The following MPRIP variants were observed in gnomAD, a reference collection of about 807,000 sequenced individuals.
MPRIP encodes myosin phosphatase Rho interacting protein.
A neutral mutation model predicts 234.9 loss-of-function variants in MPRIP; 59 were observed. The ratio of observed to expected loss-of-function variants is 0.25; its 90% CI spans 0.20 to 0.31. The LOEUF (loss-of-function observed/expected upper bound fraction) is 0.31. Among genes scored for constraint, MPRIP ranks in the 10% least tolerant of loss-of-function variants. MPRIP has a pLI of 1.00. For missense variants in MPRIP, 2,436 were observed against 3,071.0 expected, an observed-to-expected ratio of 0.79 and a Z score of 4.89; for synonymous variants, 1,144 against 1,263.9, an observed-to-expected ratio of 0.91 and a Z score of 2.01.
At position 17,165,022 on chromosome 17, in the gene MPRIP, G is replaced by A. The variant is rs1315982890; in HGVS notation, c.3431G>A (p.Ser1144Asn). ...KLRRREADNQ[S>N]LEHSYQRVSS... ...AGGAGAAGAGAGGCTGACAACCAGA[G>A]CCTGGAGCACTCCTACCAGAGGGTC... is the stretch of plus-strand genomic sequence containing the variant. The change falls in exon 16 of 24, where the codon AGC becomes AAC. Residue 1144 changes from serine to asparagine, a missense_variant. This residue lies in a region of MPRIP where 1,998 missense variants were observed against 2,520.3 expected (regional missense o/e 0.79). Transcript: ENST00000651222. The A allele has an allele frequency of 1.1e-5, 14 of 1,301,592 alleles. No individual in the cohort carries two copies. The highest frequency in any genetic ancestry group is 1.5e-5 in the African/African-American group (1 of 65,866). The allele number at this position is 1,301,592 out of a possible 1,614,324, so 80.6% of individuals were successfully genotyped here.
chr17:17,058,912 GGGGA>G (rs2088788127), intron 1 of MPRIP, among the ~76,000 whole-genome samples: 1 of 152,126 alleles, frequency 6.6e-6, no homozygotes, highest in Non-Finnish European at 1.5e-5. Context: ...CAGAAGGGGT[GGGGA>G]CGTGCTAGGG....
At chr17:17,083,832 C>G (rs2144096413) in intron 3 of MPRIP, among the ~76,000 whole-genome samples, 1 of 152,324 alleles carries the variant, frequency 6.6e-6, no homozygotes, top group East Asian at 1.9e-4. Flanking sequence ...CAACCTCCGT[C>G]TCCCGGGTTC....
intron 3 of MPRIP, among the ~76,000 whole-genome samples, chr17:17,112,589 C>T (rs1597823994): frequency 6.6e-6 from 1 of 152,248 alleles, no homozygotes; most frequent in East Asian, 1.9e-4. Flanking sequence ...CTGCAGGGCT[C>T]ACTCAGGACC....
intron 23 of MPRIP, among the ~76,000 whole-genome samples, chr17:17,181,130 C>T (rs1039600693): frequency 6.6e-6 from 1 of 152,128 alleles, no homozygotes; most frequent in Non-Finnish European, 1.5e-5. Flanking sequence ...AGGACTAGAG[C>T]TTGGTGAAGA....
At position 17,167,988 on chromosome 17, in the gene MPRIP, A is replaced by T; in HGVS notation, c.6324+73A>T. Reference sequence around the variant, plus strand: ...GGGTGGGTGTGGGGACGTCTGGCTCAGCTACCGTGCAGGCAGAATTGAGGG... The same window carrying T: ...GGGTGGGTGTGGGGACGTCTGGCTCTGCTACCGTGCAGGCAGAATTGAGGG... On this transcript the variant is annotated intron_variant, in intron 16 of 23. Transcript: ENST00000651222. The surrounding 1 kb of genome is among the most constrained non-coding windows in gnomAD (Gnocchi z 5.9). 3 of 1,162,352 alleles carry T rather than the reference A, an allele frequency of 2.6e-6. No homozygotes were observed. Among genetic ancestry groups the T allele is most frequent in the Non-Finnish European group, 3.4e-6 (3 of 888,586 alleles). 72.0% of individuals were successfully genotyped at this position (1,162,352 alleles called of 1,614,324 possible).
At chr17:17,063,473 A>G (rs1293538249) in intron 1 of MPRIP, among the ~76,000 whole-genome samples, 2 of 152,104 alleles carry the variant, frequency 1.3e-5, no homozygotes, top group Non-Finnish European at 2.9e-5. Context: ...ATTCCATGGA[A>G]TAGAAGATGT....
intron 15 of MPRIP, among the ~76,000 whole-genome samples, 179 bp from the exon 16 acceptor site, chr17:17,163,928 TAA>T (rs370017367): frequency 7.7e-6 from 1 of 129,382 alleles, no homozygotes; most frequent in Non-Finnish European, 1.6e-5. Flanking sequence ...AGCTACTTAC[TAA>T]AAAAAAAAAA....
intron 1 of MPRIP, among the ~76,000 whole-genome samples, chr17:17,052,522 C>T (rs1417113360): frequency 2.6e-5 from 4 of 152,160 alleles, no homozygotes; most frequent in Non-Finnish European, 4.4e-5. Flanking sequence ...AGCGACCTGC[C>T]TAGGTCACAG....
intron 23 of MPRIP, among the ~76,000 whole-genome samples, chr17:17,181,134 G>A (rs191579806): frequency 6.6e-6 from 1 of 152,364 alleles, no homozygotes; most frequent in Admixed American, 6.5e-5. Context: ...CTAGAGCTTG[G>A]TGAAGATGGT....
At position 17,123,703 on chromosome 17, in the gene MPRIP, CAAAAA is replaced by C. The variant is rs371753802; in HGVS notation, c.268-2982_268-2978del. Among the ~76,000 whole-genome samples the C allele has an allele frequency of 1.3e-3, 75 of 59,282 alleles. No individual in the cohort carries two copies. In the East Asian group the frequency reaches 0.027, roughly 21 times the overall value. The allele number at this position is 59,282 out of a possible 152,430, so 38.9% of individuals were successfully genotyped here. The stretch of plus-strand genomic sequence containing the variant: ...TGGGCAACAGAGCGAGACTTCGTCT[CAAAAA>C]AAAAAAAAAAAAAAAAGAAAGAAAA... On this transcript the variant is annotated intron_variant, in intron 3 of 23. Coordinates refer to ENST00000651222, the MANE Select transcript of MPRIP (RefSeq NM_001364716.4).
chr17:17,150,719 A>T (rs1053953282), intron 12 of MPRIP, among the ~76,000 whole-genome samples: 1 of 150,278 alleles, frequency 6.7e-6, no homozygotes, highest in Non-Finnish European at 1.5e-5. Flanking sequence ...AAAAAAAAAA[A>T]TCTTATTGGT....
chr17:17,054,483 A>G (rs1198886658), intron 1 of MPRIP, among the ~76,000 whole-genome samples: 1 of 152,162 alleles, frequency 6.6e-6, no homozygotes. Flanking sequence ...CAAAGCCTGG[A>G]CAGGACGCCG....
intron 3 of MPRIP, among the ~76,000 whole-genome samples, chr17:17,081,603 C>T (rs2089463288): frequency 6.6e-6 from 1 of 152,180 alleles, no homozygotes; most frequent in Non-Finnish European, 1.5e-5. Context: ...AGGTGGACAT[C>T]AGGAGGTCAC....
intron 3 of MPRIP, among the ~76,000 whole-genome samples, chr17:17,122,685 C>T (rs1312316240): frequency 6.6e-6 from 1 of 152,180 alleles, no homozygotes; most frequent in Non-Finnish European, 1.5e-5. Flanking sequence ...GTCCTCAGTA[C>T]GTACCTGGAC....
At chr17:17,175,462 C>A (rs777437462) in intron 20 of MPRIP, 50 bp downstream of exon 20, 1 of 1,521,978 alleles carries the variant, frequency 6.6e-7, no homozygotes, top group Admixed American at 2.2e-5. Context: ...ACCCAGGAAC[C>A]CCAGGGGAGT....
chr17:17,122,502 T>C (rs4270229), intron 3 of MPRIP, among the ~76,000 whole-genome samples: 125,047 of 152,106 alleles, frequency 0.82, 51,597 homozygotes, highest in East Asian at 0.99. Context: ...TATAGACGAC[T>C]GCCACCACGC....
At chr17:17,150,297 AAT>A in intron 12 of MPRIP, 64 bp downstream of exon 12, 1 of 1,280,558 alleles carries the variant, frequency 7.8e-7, no homozygotes, top group Non-Finnish European at 1.1e-6. Context: ...CAGAGTGCCT[AAT>A]GTCTGGGCTG....
chr17:17,083,259 C>T (rs1340146058), intron 3 of MPRIP, among the ~76,000 whole-genome samples: 3 of 152,150 alleles, frequency 2.0e-5, no homozygotes, highest in Non-Finnish European at 4.4e-5. Flanking sequence ...TTTGTCAGTC[C>T]CGTAAGATGT....
chr17:17,076,058 G>A (rs968764127), intron 2 of MPRIP: 4 of 416,156 alleles, frequency 9.6e-6, no homozygotes, highest in African/African-American at 8.1e-5. Flanking sequence ...ACAGTAAAAT[G>A]GAAGAGGCAA....
Sources: gnomAD v4.1 joint callset for allele counts (sites outside exome capture counted in the v4.1 genomes callset) on GRCh38, gnomAD v4.1.1 for gene constraint, gnomAD v4.1.1 regional missense constraint, Gnocchi (gnomAD v3.1) non-coding constraint, MANE v1.5 for transcripts, NCBI Gene and HGNC (gene_info 2026-07-23, HGNC 2026-07-21) for gene names.